Variants in TM7SF3 observed in about 807,000 individuals in gnomAD.
TM7SF3 encodes the protein seven span transmembrane protein.
Under a neutral mutation model 65.5 loss-of-function variants are expected in TM7SF3, and 60 were observed. The observed-to-expected ratio is 0.92, with a 90% CI of 0.74 to 1.14. The LOEUF is 1.14. TM7SF3 is among the 50% of genes most tolerant of loss of function. The pLI is 0.00. For missense variants in TM7SF3, 623 were observed against 684.8 expected, an observed-to-expected ratio of 0.91 and a Z score of 1.01; for synonymous variants, 264 against 259.6, an observed-to-expected ratio of 1.02 and a Z score of -0.16.
In TM7SF3 at chr12:26,999,536, G is replaced by T; in HGVS notation, c.387C>A (p.Tyr129Ter). 1 of 1,614,108 alleles carries T rather than the reference G, an allele frequency of 6.2e-7. No individual in the cohort carries two copies. The highest frequency in any genetic ancestry group is 1.6e-4 in the Middle Eastern group (1 of 6,062). ...AGACAGAAGGGTTACCTCTTTCTGA[G>T]TAGGAGAGTAGGATAGCCATATTCT... Reference protein sequence around the residue: ...PVQNMAILLSYSERDPVPGGC... With the variant: ...PVQNMAILLS The change falls in exon 3 of 12, where the codon TAC (tyrosine) becomes TAA (stop). Residue 129 changes from tyrosine to a stop codon, truncating the protein, a stop_gained. Transcript: ENST00000343028. LOFTEE classifies it high-confidence loss of function.
chr12:26,993,046 C>T (rs1457738247), intron 5 of TM7SF3, among the ~76,000 whole-genome samples: 1 of 151,704 alleles, frequency 6.6e-6, no homozygotes, highest in African/African-American at 2.4e-5. Context: ...TCTGGGACTA[C>T]AGGCACGCAC....
chr12:26,988,021 C>G (rs1434254338), intron 6 of TM7SF3, among the ~76,000 whole-genome samples: 1 of 150,502 alleles, frequency 6.6e-6, no homozygotes, highest in African/African-American at 2.5e-5. Flanking sequence ...AATAAATATT[C>G]TGTACTTCTC....
rs965820979 is a variant in TM7SF3 at position 26,990,625 on chromosome 12, C to G, written c.693G>C (p.Val231=). The G allele has an allele frequency of 1.9e-6, 3 of 1,611,554 alleles. No homozygotes were observed. The African/African-American group carries it at 4.0e-5, about 22-fold the overall frequency. Residue 231 remains valine (V), a splice_region_variant and synonymous_variant, in exon 6 of 12, where the codon GTG becomes GTC. Transcript: ENST00000343028. ...TCTTATCATTAGCTGTTAGGGTAAC[C>G]ACCTGAAGCCAAAAATAACACATGA... ...VPQVKASALK[V]VTLTANDKTS...
intron 10 of TM7SF3, 91 bp from the exon 11 acceptor site, chr12:26,975,749 T>A: frequency 7.3e-7 from 1 of 1,367,242 alleles, no homozygotes; most frequent in South Asian, 1.4e-5. Context: ...GGCAATCACA[T>A]CTGCTCCCTC....
intron 7 of TM7SF3, among the ~76,000 whole-genome samples, chr12:26,982,160 A>G (rs1939844837): frequency 6.6e-6 from 1 of 151,650 alleles, no homozygotes; most frequent in Non-Finnish European, 1.5e-5. Context: ...CAGCCTCCCC[A>G]TGTAGCTGGG....
chr12:26,998,029 T>C (rs1471184759), intron 3 of TM7SF3, among the ~76,000 whole-genome samples: 1 of 152,120 alleles, frequency 6.6e-6, no homozygotes, highest in Non-Finnish European at 1.5e-5. Context: ...TTTCGCCATG[T>C]TGGCCAGGCT....
At chr12:26,977,766 A>ATGTG (rs10608992) in intron 9 of TM7SF3, among the ~76,000 whole-genome samples, 8 of 148,458 alleles carry the variant, frequency 5.4e-5, no homozygotes, top group Admixed American at 2.0e-4. Context: ...GAAAAAAATA[A>ATGTG]TGTGTGTGTG....
intron 6 of TM7SF3, among the ~76,000 whole-genome samples, chr12:26,984,317 T>C (rs1939946280): frequency 6.6e-6 from 1 of 152,042 alleles, no homozygotes; most frequent in Admixed American, 6.5e-5. Context: ...TAGTCCCAGC[T>C]ACTCCAGAGG....
At chr12:26,995,528 C>A (rs1310494477) in intron 4 of TM7SF3, 120 bp from the exon 5 acceptor site, 2 of 1,060,360 alleles carry the variant, frequency 1.9e-6, no homozygotes, top group Admixed American at 2.5e-5. Flanking sequence ...AACAGTTCAC[C>A]TTTTGCAGTG....
chr12:26,974,011 A>G lies in TM7SF3; in HGVS notation c.1667T>C (p.Phe556Ser), dbSNP rs764798586. 6.2e-7 allele frequency: 1 copy of G among 1,614,220 alleles called. No homozygotes were observed. The highest frequency in any genetic ancestry group is 8.5e-7 in the Non-Finnish European group (1 of 1,180,038). ...YGRLTQIKGL[F>S]QKEQPAGERT... is the part of the protein sequence containing the mutation. ...CTCTCCAGCTGGCTGCTCCTTCTGG[A>G]AGAGCCCTTTAATCTGGGTTAATCG... The change falls in exon 12 of 12, where the codon TTC (phenylalanine) becomes TCC (serine). Residue 556 changes from phenylalanine to serine, a missense_variant. Phe to Ser is a radical substitution (Grantham distance 155). Transcript: ENST00000343028.
chr12:27,003,777 A>G (rs1163439150), intron 1 of TM7SF3, among the ~76,000 whole-genome samples: 2 of 152,246 alleles, frequency 1.3e-5, no homozygotes, highest in Admixed American at 6.5e-5. Context: ...TTAAAGAACC[A>G]TAACCGTCTA....
At chr12:27,006,960 G>C (rs769338588) in intron 1 of TM7SF3, among the ~76,000 whole-genome samples, 3 of 152,180 alleles carry the variant, frequency 2.0e-5, no homozygotes, top group Non-Finnish European at 4.4e-5. Context: ...AAGCGTATGT[G>C]TCAGGCAATA....
chr12:26,983,469 T>C (rs1939904763), intron 6 of TM7SF3: 1 of 408,178 alleles, frequency 2.4e-6, no homozygotes, highest in South Asian at 1.7e-5. Flanking sequence ...ATTTTTTAAG[T>C]GCTTATCTTT....
At chr12:26,998,849 TC>T (rs1940709104) in intron 3 of TM7SF3, among the ~76,000 whole-genome samples, 1 of 152,062 alleles carries the variant, frequency 6.6e-6, no homozygotes, top group African/African-American at 2.4e-5. Flanking sequence ...AGTACAAACC[TC>T]AAATTGTATG....
intron 7 of TM7SF3, among the ~76,000 whole-genome samples, chr12:26,981,886 G>A (rs1292568423): frequency 6.6e-6 from 1 of 152,202 alleles, no homozygotes; most frequent in Non-Finnish European, 1.5e-5. Context: ...TGATGTTGAT[G>A]CTGGCATTCC....
chr12:26,976,184 A>G (rs1289317595), intron 10 of TM7SF3, 76 bp downstream of exon 10: 1 of 1,160,550 alleles, frequency 8.6e-7, no homozygotes, highest in East Asian at 2.4e-5. Flanking sequence ...AAAACATGCA[A>G]AATGATGAAA....
At chr12:27,012,721 C>G (rs1439174569) in intron 1 of TM7SF3, 2 of 455,894 alleles carry the variant, frequency 4.4e-6, no homozygotes, top group Non-Finnish European at 8.8e-6. Flanking sequence ...TGAAATCGGC[C>G]GGGCGCGGTG....
At chr12:27,004,332 A>T (rs2136445146) in intron 1 of TM7SF3, among the ~76,000 whole-genome samples, 1 of 152,336 alleles carries the variant, frequency 6.6e-6, no homozygotes, top group South Asian at 2.1e-4. Flanking sequence ...AAAAGATCCC[A>T]AGTTTCACAT....
At chr12:27,007,363 T>C (rs1338055768) in intron 1 of TM7SF3, among the ~76,000 whole-genome samples, 1 of 151,968 alleles carries the variant, frequency 6.6e-6, no homozygotes, top group African/African-American at 2.4e-5. Flanking sequence ...TAGGTAGGGG[T>C]ATTAAGAGGA....
Sources: gnomAD v4.1 joint callset for allele counts (sites outside exome capture counted in the v4.1 genomes callset) on GRCh38, gnomAD v4.1.1 for gene constraint, MANE v1.5 for transcripts, NCBI Gene and HGNC (gene_info 2026-07-23, HGNC 2026-07-21) for gene names.